TSPAN9: variants seen among roughly 807,000 people sequenced by gnomAD.
TSPAN9 encodes tetraspanin 9, also known as tetraspanin-9.
Under a neutral mutation model 31.0 loss-of-function variants are expected in TSPAN9, and 16 were observed. The ratio of observed to expected loss-of-function variants is 0.52; its 90% CI spans 0.35 to 0.78. TSPAN9 has a LOEUF of 0.78. Ranked by LOEUF, TSPAN9 falls within the 30% of genes least tolerant of loss-of-function variation. The pLI, the probability that TSPAN9 is intolerant of heterozygous loss-of-function variation, is 0.01. For missense variants in TSPAN9, 272 were observed against 312.5 expected (o/e 0.87, Z 0.98); for synonymous variants, 145 against 121.6 (o/e 1.19, Z -1.27).
At chr12:3,282,034 C>T in intron 8 of TSPAN9, 1 of 717,674 alleles carries the variant, frequency 1.4e-6, no homozygotes. Flanking sequence ...TCAGGGCTGC[C>T]TGTGGCCAGG....
chr12:3,126,567 G>A (rs1255051891), intron 2 of TSPAN9, among the ~76,000 whole-genome samples: 1 of 152,178 alleles, frequency 6.6e-6, no homozygotes, highest in Non-Finnish European at 1.5e-5. Context: ...GTATTAGGCT[G>A]TTCTTGCACT....
At chr12:3,258,766 G>T (rs1378120494) in intron 3 of TSPAN9, among the ~76,000 whole-genome samples, 2 of 152,178 alleles carry the variant, frequency 1.3e-5, no homozygotes. Context: ...TTGACCTGGG[G>T]CCAGACTTCC....
chr12:3,268,133 G>C (rs916581273), intron 3 of TSPAN9, among the ~76,000 whole-genome samples: 1 of 147,546 alleles, frequency 6.8e-6, no homozygotes, highest in Non-Finnish European at 1.5e-5. Context: ...TGCCTATTCC[G>C]TAGGTGCTGC....
chr12:3,112,168 G>C (rs1019939824), intron 2 of TSPAN9, among the ~76,000 whole-genome samples: 1 of 135,086 alleles, frequency 7.4e-6, no homozygotes, highest in Non-Finnish European at 1.5e-5. Context: ...GGTATCAATT[G>C]TAATGTTCCT....
At chr12:3,222,125 G>C (rs1377050159) in intron 3 of TSPAN9, among the ~76,000 whole-genome samples, 2 of 152,170 alleles carry the variant, frequency 1.3e-5, no homozygotes, top group Non-Finnish European at 2.9e-5. Flanking sequence ...GTCTTTTCCT[G>C]AAAATTCTTC....
At chr12:3,081,662 AC>A (rs1483142306) in intron 1 of TSPAN9, among the ~76,000 whole-genome samples, 1 of 151,864 alleles carries the variant, frequency 6.6e-6, no homozygotes, top group Non-Finnish European at 1.5e-5. Context: ...TGTATGTGTC[AC>A]ATGTATAAGA....
chr12:3,250,877 C>T (rs561410362), intron 3 of TSPAN9, among the ~76,000 whole-genome samples: 16 of 152,316 alleles, frequency 1.1e-4, no homozygotes, highest in South Asian at 6.2e-4. Context: ...GGAAGGGCCT[C>T]GGGCCCTGAG....
chr12:3,201,429 T>G (rs1425622368), intron 3 of TSPAN9, among the ~76,000 whole-genome samples, 173 bp downstream of exon 3: 1 of 152,164 alleles, frequency 6.6e-6, no homozygotes, highest in Non-Finnish European at 1.5e-5. Flanking sequence ...TTGTCTTTCC[T>G]TTCTCCCTCT....
chr12:3,269,287 CCT>C (rs1862620370), intron 3 of TSPAN9, among the ~76,000 whole-genome samples: 1 of 39,744 alleles, frequency 2.5e-5, no homozygotes, highest in Non-Finnish European at 5.4e-5. Context: ...TGCAGCCTGC[CCT>C]CTCTGTGTTC....
intron 3 of TSPAN9, among the ~76,000 whole-genome samples, chr12:3,206,656 C>T (rs2098375410): frequency 6.6e-6 from 1 of 151,480 alleles, no homozygotes; most frequent in Non-Finnish European, 1.5e-5. Flanking sequence ...TCTGTTTCTT[C>T]CACTGAAAAG....
intron 3 of TSPAN9, among the ~76,000 whole-genome samples, chr12:3,236,133 C>T (rs1392450416): frequency 6.6e-6 from 1 of 152,188 alleles, no homozygotes; most frequent in Admixed American, 6.5e-5. Context: ...GAACAGTGCA[C>T]CTGAAGTCAG....
At chr12:3,080,035 T>A (rs972296326) in intron 1 of TSPAN9, among the ~76,000 whole-genome samples, 1 of 151,650 alleles carries the variant, frequency 6.6e-6, no homozygotes, top group Non-Finnish European at 1.5e-5. Flanking sequence ...GCAATTCTCC[T>A]ACCTTGGCCT....
chr12:3,134,280 C>G (rs1243434873), intron 2 of TSPAN9, among the ~76,000 whole-genome samples: 2 of 152,214 alleles, frequency 1.3e-5, no homozygotes, highest in Admixed American at 1.3e-4. Context: ...ACTTTCTCCT[C>G]TCCGAAGATG....
chr12:3,283,190 C>A lies in TSPAN9; in HGVS notation c.*74C>A. On this transcript the variant is annotated 3_prime_UTR_variant, in exon 9 of 9. Coordinates refer to ENST00000011898, the MANE Select transcript of TSPAN9 (RefSeq NM_006675.5). ...AGAGGATTGAGCTTTGTGTCACCTG[C>A]CTGCGCTCTCCAGATATGACCCCTG... 6.7e-7 allele frequency: 1 copy of A among 1,503,528 alleles called. No individual in the cohort carries two copies. Among genetic ancestry groups the A allele is most frequent in the South Asian group, 1.1e-5 (1 of 87,594 alleles). The allele number at this position is 1,503,528 out of a possible 1,614,324, so 93.1% of individuals were successfully genotyped here. A position where few individuals can be genotyped will look rare whatever the true frequency, so the allele number is the denominator to read the frequency against.
In TSPAN9 at chr12:3,262,724, C is replaced by T. The variant is rs571566412; in HGVS notation, c.64-15697C>T. On this transcript the variant is annotated intron_variant, in intron 3 of 8. Transcript: ENST00000011898. ...GTCAGAGGCCGCGCACAGCTCCGCT[C>T]GTTCCAGGTGAGTAAAGCGCCTGGA... 3.3e-5 allele frequency among the ~76,000 whole-genome samples: 5 copies of T among 151,576 alleles called. No individual in the cohort carries two copies. The East Asian group carries it at 9.7e-4, about 29-fold the overall frequency.
At chr12:3,169,217 CA>C (rs35390496) in intron 2 of TSPAN9, among the ~76,000 whole-genome samples, 4,799 of 152,278 alleles carry the variant, frequency 0.032, 261 homozygotes, top group African/African-American at 0.11. Context: ...AGAACGCACC[CA>C]ACTCTGTTTC....
intron 2 of TSPAN9, among the ~76,000 whole-genome samples, chr12:3,152,106 C>T (rs954828160): frequency 2.6e-5 from 4 of 152,176 alleles, no homozygotes; most frequent in South Asian, 2.1e-4. Context: ...GAATTCATGG[C>T]GGGGAATCTC....
intron 2 of TSPAN9, among the ~76,000 whole-genome samples, chr12:3,155,135 A>T (rs866315170): frequency 1.3e-5 from 2 of 152,220 alleles, no homozygotes; most frequent in African/African-American, 2.4e-5. Flanking sequence ...ATGCGGACCA[A>T]ATAAAACCTG....
At chr12:3,112,501 T>G (rs2098319510) in intron 2 of TSPAN9, among the ~76,000 whole-genome samples, 1 of 151,872 alleles carries the variant, frequency 6.6e-6, no homozygotes, top group South Asian at 2.1e-4. Flanking sequence ...TTATCTCTGA[T>G]TTTATTTATT....
Sources: gnomAD v4.1 joint callset for allele counts (sites outside exome capture counted in the v4.1 genomes callset) on GRCh38, gnomAD v4.1.1 for gene constraint, MANE v1.5 for transcripts, NCBI Gene and HGNC (gene_info 2026-07-23, HGNC 2026-07-21) for gene names.